Variants in MAML2 observed in about 807,000 individuals in gnomAD.
MAML2 encodes the protein mastermind like transcriptional coactivator 2.
Under a neutral mutation model 96.1 loss-of-function variants are expected in MAML2, and 22 were observed. That is an observed-to-expected ratio of 0.23 (90% CI 0.16 to 0.33). The LOEUF is 0.33. Among genes scored for constraint, MAML2 ranks in the 10% least tolerant of loss-of-function variants. The probability of loss-of-function intolerance (pLI) is 1.00; values close to 1 mark genes in which losing one functional copy is unlikely to be tolerated. For synonymous variants in MAML2, 561 were observed against 521.3 expected, an observed-to-expected ratio of 1.08 and a Z score of -1.04; for missense variants, 1,367 against 1,392.4, an observed-to-expected ratio of 0.98 and a Z score of 0.29.
At chr11:96,048,923 G>C (rs1858949084) in intron 2 of MAML2, among the ~76,000 whole-genome samples, 1 of 152,230 alleles carries the variant, frequency 6.6e-6, no homozygotes, top group African/African-American at 2.4e-5. Context: ...GCTAGCCATA[G>C]TGGAAGAATT....
intron 1 of MAML2, among the ~76,000 whole-genome samples, chr11:96,122,655 C>G (rs541699606): frequency 3.3e-5 from 5 of 152,260 alleles, no homozygotes; most frequent in African/African-American, 1.2e-4. Flanking sequence ...TTATTTTTCA[C>G]AGAGGACCCT....
At chr11:96,070,737 C>T (rs1198725088) in intron 2 of MAML2, among the ~76,000 whole-genome samples, 3 of 152,210 alleles carry the variant, frequency 2.0e-5, no homozygotes, top group Admixed American at 1.3e-4. Flanking sequence ...GCTGAGTGGG[C>T]GGAACAAGCC....
At chr11:96,163,424 A>G (rs1861144851) in intron 1 of MAML2, among the ~76,000 whole-genome samples, 1 of 152,206 alleles carries the variant, frequency 6.6e-6, no homozygotes, top group Non-Finnish European at 1.5e-5. Flanking sequence ...TATACCCACA[A>G]TATCATTCTT....
chr11:96,327,957 G>A (rs1035962852), intron 1 of MAML2, among the ~76,000 whole-genome samples: 7 of 151,898 alleles, frequency 4.6e-5, no homozygotes, highest in East Asian at 3.9e-4. Flanking sequence ...TTAGCCAGGC[G>A]TGGTGGCGCA....
intron 1 of MAML2, among the ~76,000 whole-genome samples, chr11:96,333,821 A>C (rs1259184801): frequency 2.0e-5 from 3 of 152,240 alleles, no homozygotes; most frequent in Non-Finnish European, 4.4e-5. Context: ...TTATTCATTA[A>C]TTTCAATTAA....
chr11:96,274,929 T>C (rs948369881), intron 1 of MAML2, among the ~76,000 whole-genome samples: 1 of 151,938 alleles, frequency 6.6e-6, no homozygotes, highest in Admixed American at 6.6e-5. Context: ...ATATTAGATA[T>C]GTATAATTTC....
At position 96,092,386 on chromosome 11, in the gene MAML2, T is replaced by A. The variant is rs1454652286; in HGVS notation, c.1645A>T (p.Met549Leu). The A allele has an allele frequency of 6.2e-7, 1 of 1,613,878 alleles. No individual in the cohort carries two copies. The highest frequency in any genetic ancestry group is 1.3e-5 in the African/African-American group (1 of 74,950). Reference protein sequence around the residue: ...RSFINNPHPAMEPRQGNTKPL... With the variant: ...RSFINNPHPALEPRQGNTKPL... ...TTGGTGTTGCCCTGACGGGGCTCCA[T>A]GGCTGGGTGCGGGTTGTTAATAAAA... Residue 549 changes from methionine (M) to leucine (L), a missense_variant, in exon 2 of 5, where the codon ATG becomes TTG. Coordinates refer to ENST00000524717, the MANE Select transcript of MAML2 (RefSeq NM_032427.4). The surrounding 1 kb of genome is among the most constrained non-coding windows in gnomAD (Gnocchi z 4.1).
At chr11:96,166,205 A>ACC (rs1861191640) in intron 1 of MAML2, among the ~76,000 whole-genome samples, 2 of 151,316 alleles carry the variant, frequency 1.3e-5, no homozygotes, top group South Asian at 2.1e-4. Flanking sequence ...ACACACACAC[A>ACC]CACACACACA....
chr11:96,112,684 A>G (rs368840067), intron 1 of MAML2, among the ~76,000 whole-genome samples: 11 of 152,280 alleles, frequency 7.2e-5, no homozygotes, highest in African/African-American at 2.6e-4. Context: ...TCTTGCCCCA[A>G]CTTCACCTTC....
chr11:96,015,898 CTAT>C (rs934303890), intron 2 of MAML2, among the ~76,000 whole-genome samples: 62 of 151,264 alleles, frequency 4.1e-4, no homozygotes, highest in African/African-American at 1.5e-3. Context: ...AATGTGGTGA[CTAT>C]TATTATTATT....
chr11:96,194,420 G>C lies in MAML2; in HGVS notation c.514-100903C>G, dbSNP rs373111006. Among the ~76,000 whole-genome samples, 62 of 152,328 alleles carry C rather than the reference G, an allele frequency of 4.1e-4. 1 individual carries two copies. Among genetic ancestry groups the C allele is most frequent in the African/African-American group, 1.4e-3 (60 of 41,562 alleles). On this transcript the variant is annotated intron_variant, in intron 1 of 4. Coordinates refer to ENST00000524717, the MANE Select transcript of MAML2 (RefSeq NM_032427.4). ...AGTAGCTAGGGGCTCAAATTTTGTA[G>C]AGTGACTCTCTCCTCTGTTTGAATC...
At chr11:96,229,025 C>A (rs1862254396) in intron 1 of MAML2, among the ~76,000 whole-genome samples, 1 of 150,732 alleles carries the variant, frequency 6.6e-6, no homozygotes, top group Non-Finnish European at 1.5e-5. Context: ...CTTTGTAGAA[C>A]AATCTATAGA....
chr11:96,314,451 A>C (rs1863600284), intron 1 of MAML2, among the ~76,000 whole-genome samples: 1 of 152,190 alleles, frequency 6.6e-6, no homozygotes, highest in South Asian at 2.1e-4. Context: ...ACATTTCCTC[A>C]TACCACAGAT....
At chr11:95,981,452 A>C (rs1857735953) in intron 4 of MAML2, among the ~76,000 whole-genome samples, 1 of 152,218 alleles carries the variant, frequency 6.6e-6, no homozygotes, top group South Asian at 2.1e-4. Context: ...AATACACATA[A>C]GAATATCACA....
rs1861658677 is a variant in MAML2, at chr11:96,191,836, A to G, written c.514-98319T>C. 2.0e-5 allele frequency among the ~76,000 whole-genome samples: 3 copies of G among 151,896 alleles called. No individual in the cohort carries two copies. The South Asian group carries it at 6.2e-4, about 32-fold the overall frequency. On this transcript the variant is annotated intron_variant, in intron 1 of 4. Transcript: ENST00000524717. Reference sequence around the variant, plus strand: ...AATTCTACTATGTGAAAGGAGGTTCAGCTAACTGGATGTAGACCCAAGTTC... The same window carrying G: ...AATTCTACTATGTGAAAGGAGGTTCGGCTAACTGGATGTAGACCCAAGTTC...
intron 1 of MAML2, among the ~76,000 whole-genome samples, chr11:96,159,659 C>T (rs1399883030): frequency 6.6e-6 from 1 of 151,998 alleles, no homozygotes; most frequent in Admixed American, 6.6e-5. Context: ...CTCCTGACCT[C>T]GTGATCCGCC....
intron 1 of MAML2, among the ~76,000 whole-genome samples, chr11:96,244,837 A>G (rs1862489478): frequency 1.3e-5 from 2 of 152,078 alleles, no homozygotes; most frequent in East Asian, 1.9e-4. Flanking sequence ...CATGCATCCA[A>G]TCACCCACAC....
At chr11:96,272,077 T>G (rs1862923273) in intron 1 of MAML2, among the ~76,000 whole-genome samples, 1 of 152,184 alleles carries the variant, frequency 6.6e-6, no homozygotes, top group South Asian at 2.1e-4. Flanking sequence ...AATGCCACCT[T>G]CTCAGTGAGG....
intron 1 of MAML2, among the ~76,000 whole-genome samples, chr11:96,321,602 C>G (rs1002489796): frequency 6.6e-6 from 1 of 152,156 alleles, no homozygotes; most frequent in African/African-American, 2.4e-5. Flanking sequence ...CCTAATGGGA[C>G]TAGTAGAGTC....
Sources: gnomAD v4.1 joint callset for allele counts (sites outside exome capture counted in the v4.1 genomes callset) on GRCh38, gnomAD v4.1.1 for gene constraint, Gnocchi (gnomAD v3.1) non-coding constraint, MANE v1.5 for transcripts, NCBI Gene and HGNC (gene_info 2026-07-23, HGNC 2026-07-21) for gene names.